Variants in GDPD1 observed in about 807,000 individuals in gnomAD.
GDPD1 encodes glycerophosphodiester phosphodiesterase domain containing 1.
Under a neutral mutation model 45.1 loss-of-function variants are expected in GDPD1, and 28 were observed. The ratio of observed to expected loss-of-function variants is 0.62; its 90% CI spans 0.46 to 0.85. The LOEUF (loss-of-function observed/expected upper bound fraction) is 0.85, where lower values mean the gene tolerates loss of function less well. Among genes scored for constraint, GDPD1 ranks in the 40% least tolerant of loss-of-function variants. The pLI is 0.00. For missense variants in GDPD1, 256 were observed against 364.8 expected (o/e 0.70, Z 2.43); for synonymous variants, 139 against 131.4 (o/e 1.06, Z -0.40).
chr17:59,224,557 G>A (rs2047031388), intron 1 of GDPD1, among the ~76,000 whole-genome samples: 1 of 151,308 alleles, frequency 6.6e-6, no homozygotes, highest in East Asian at 1.9e-4. Context: ...CCCGGGAGGC[G>A]GAGCTGGCAG....
At chr17:59,231,124 A>G (rs1438178926) in intron 1 of GDPD1, among the ~76,000 whole-genome samples, 1 of 152,018 alleles carries the variant, frequency 6.6e-6, no homozygotes, top group Non-Finnish European at 1.5e-5. Context: ...GCTCGTGCTC[A>G]CTGCTGGCAA....
intron 1 of GDPD1, among the ~76,000 whole-genome samples, chr17:59,231,324 CTTT>C (rs557850341): frequency 2.6e-5 from 3 of 114,420 alleles, no homozygotes; most frequent in Non-Finnish European, 3.4e-5. Context: ...TTCTTTCTTT[CTTT>C]TTTTTTTTTT....
intron 4 of GDPD1, among the ~76,000 whole-genome samples, chr17:59,254,524 T>C (rs569323175): frequency 6.6e-6 from 1 of 152,200 alleles, no homozygotes; most frequent in Non-Finnish European, 1.5e-5. Context: ...ATTGAGACCC[T>C]GTCTCAAAAT....
At position 59,220,574 on chromosome 17, in the gene GDPD1, G is replaced by A; in HGVS notation, c.-36G>A. 1.9e-6 allele frequency: 3 copies of A among 1,605,358 alleles called. No homozygotes were observed. The highest frequency in any genetic ancestry group is 2.6e-6 in the Non-Finnish European group (3 of 1,175,248). On this transcript the variant is annotated 5_prime_UTR_variant, in exon 1 of 10. Transcript: ENST00000284116. ...CTACTGCCGCAGCGGAGTTCAGAGG[G>A]CCCGGAGGTGGGAGACTTCCCACAC...
rs530415805 is a variant in GDPD1 at position 59,274,819 on chromosome 17, T to C, written c.*1046T>C. On this transcript the variant is annotated 3_prime_UTR_variant, in exon 10 of 10. Coordinates refer to ENST00000284116, the MANE Select transcript of GDPD1 (RefSeq NM_182569.4). The stretch of plus-strand genomic sequence containing the variant: ...AAAAAAAATTGGCAATAGTCTTCAC[T>C]GGAATACAATCAATTAGTAAAAGAT... 1.4e-4 allele frequency among the ~76,000 whole-genome samples: 21 copies of C among 150,914 alleles called. No individual in the cohort carries two copies. Among genetic ancestry groups the C allele is most frequent in the African/African-American group, 5.1e-4 (21 of 41,200 alleles).
At chr17:59,241,193 A>G (rs1239837161) in intron 2 of GDPD1, among the ~76,000 whole-genome samples, 1 of 152,206 alleles carries the variant, frequency 6.6e-6, no homozygotes, top group African/African-American at 2.4e-5. Context: ...ACATACGCCC[A>G]TTGTTAAGTG....
chr17:59,272,837 G>A lies in GDPD1; in HGVS notation c.822+1G>A. The A allele has an allele frequency of 4.3e-6, 7 of 1,613,980 alleles. No individual in the cohort carries two copies. The highest frequency in any genetic ancestry group is 1.3e-5 in the African/African-American group (1 of 75,046). ...CCACCTAACTGCTCGAGGCATTCAA[G>A]TAAGTTTCTGGAATGATGCATTTTG... On this transcript the variant is annotated splice_donor_variant, in intron 9 of 9. Coordinates refer to ENST00000284116, the MANE Select transcript of GDPD1 (RefSeq NM_182569.4). LOFTEE classifies it high-confidence loss of function.
chr17:59,227,040 G>A (rs1482129145), intron 1 of GDPD1, among the ~76,000 whole-genome samples: 1 of 151,922 alleles, frequency 6.6e-6, no homozygotes, highest in Non-Finnish European at 1.5e-5. Context: ...AGAAGAAATT[G>A]ACTGTTTTTC....
At chr17:59,233,285 G>A (rs1053908825) in intron 1 of GDPD1, among the ~76,000 whole-genome samples, 64 of 152,032 alleles carry the variant, frequency 4.2e-4, no homozygotes, top group African/African-American at 1.4e-3. Flanking sequence ...AGGCTGAAGC[G>A]GGTGGATCAC....
chr17:59,255,784 T>TATATATATATATATATATACATAC (rs1215280964), intron 4 of GDPD1, among the ~76,000 whole-genome samples: 1 of 58,158 alleles, frequency 1.7e-5, no homozygotes, highest in Non-Finnish European at 2.8e-5. Flanking sequence ...TATATATATA[T>TATATATATATATATATATACATAC]ACGCGTATAT....
intron 6 of GDPD1, among the ~76,000 whole-genome samples, chr17:59,261,498 T>TATC (rs2047355289): frequency 6.6e-6 from 1 of 151,728 alleles, no homozygotes; most frequent in South Asian, 2.1e-4. Context: ...ATTTTATTAT[T>TATC]ATTATTATTA....
chr17:59,269,885 T>C (rs954601857), intron 7 of GDPD1, among the ~76,000 whole-genome samples: 4 of 152,208 alleles, frequency 2.6e-5, no homozygotes, highest in African/African-American at 9.6e-5. Flanking sequence ...TGGAGTGGAC[T>C]GTTTGCTCTA....
At chr17:59,223,625 ATAAG>A (rs1364767075) in intron 1 of GDPD1, among the ~76,000 whole-genome samples, 3 of 152,288 alleles carry the variant, frequency 2.0e-5, no homozygotes, top group African/African-American at 7.2e-5. Flanking sequence ...ATTTTTCCCT[ATAAG>A]TAAGGAAACA....
At position 59,229,278 on chromosome 17, in the gene GDPD1, G is replaced by A. The variant is rs948920715; in HGVS notation, c.143-5214G>A. Among the ~76,000 whole-genome samples, 96 of 150,432 alleles carry A rather than the reference G, an allele frequency of 6.4e-4. 1 individual carries two copies. Among genetic ancestry groups the A allele is most frequent in the Middle Eastern group, 3.5e-3 (1 of 288 alleles). On this transcript the variant is annotated intron_variant, in intron 1 of 9. Coordinates refer to ENST00000284116, the MANE Select transcript of GDPD1 (RefSeq NM_182569.4). ...AAGTGATTCTCCTGCCTCAGCCTCC[G>A]AGTAGCTGGGATTACAGATGCCCGT...
chr17:59,272,103 A>T (rs1388481398), intron 8 of GDPD1, among the ~76,000 whole-genome samples: 1 of 151,856 alleles, frequency 6.6e-6, no homozygotes, highest in Non-Finnish European at 1.5e-5. Flanking sequence ...AACCCTATTA[A>T]CTGACAAGAT....
chr17:59,262,449 A>G (rs914559427), intron 6 of GDPD1, among the ~76,000 whole-genome samples: 1 of 152,126 alleles, frequency 6.6e-6, no homozygotes, highest in Non-Finnish European at 1.5e-5. Context: ...AACGAACTGG[A>G]TGGTCCTCAA....
intron 2 of GDPD1, among the ~76,000 whole-genome samples, chr17:59,240,553 T>C (rs1367093727): frequency 6.6e-6 from 1 of 151,940 alleles, no homozygotes; most frequent in African/African-American, 2.4e-5. Flanking sequence ...TGATCATAGA[T>C]GAACTCCTGG....
chr17:59,223,441 G>C (rs1026149925), intron 1 of GDPD1, among the ~76,000 whole-genome samples: 1 of 152,158 alleles, frequency 6.6e-6, no homozygotes, highest in Non-Finnish European at 1.5e-5. Context: ...AAAACACTTT[G>C]TAATTCAAGA....
chr17:59,225,580 G>C (rs184931416), intron 1 of GDPD1, among the ~76,000 whole-genome samples: 35 of 151,672 alleles, frequency 2.3e-4, no homozygotes, highest in African/African-American at 8.2e-4. Flanking sequence ...CACCCACCGC[G>C]GCCTCCCAAA....
Sources: gnomAD v4.1 joint callset for allele counts (sites outside exome capture counted in the v4.1 genomes callset) on GRCh38, gnomAD v4.1.1 for gene constraint, MANE v1.5 for transcripts, NCBI Gene and HGNC (gene_info 2026-07-23, HGNC 2026-07-21) for gene names.